Variants in CDH18 observed in about 807,000 individuals in gnomAD.
CDH18 encodes cadherin-18.
CDH18 carries 31 observed loss-of-function variants against 67.9 expected under a neutral mutation model. The observed-to-expected ratio is 0.46, with a 90% CI of 0.34 to 0.62. The LOEUF (loss-of-function observed/expected upper bound fraction) is 0.62. CDH18 is among the 20% of genes least tolerant of loss of function. The pLI is 0.01. For missense variants in CDH18, 890 were observed against 975.5 expected (o/e 0.91, Z 1.17); for synonymous variants, 362 against 347.2 (o/e 1.04, Z -0.48).
intron 6 of CDH18, among the ~76,000 whole-genome samples, chr5:19,599,989 G>T (rs935120779): frequency 6.6e-6 from 1 of 152,068 alleles, no homozygotes; most frequent in Non-Finnish European, 1.5e-5. Flanking sequence ...GGGAGAGACA[G>T]TGAGCACTGG....
chr5:19,529,009 G>C (rs899893360), intron 9 of CDH18, among the ~76,000 whole-genome samples: 2 of 151,700 alleles, frequency 1.3e-5, no homozygotes, highest in African/African-American at 4.8e-5. Context: ...TCAGGAAAGA[G>C]CAACTGATTA....
At chr5:19,790,654 T>C (rs1024358052) in intron 3 of CDH18, among the ~76,000 whole-genome samples, 4 of 152,104 alleles carry the variant, frequency 2.6e-5, no homozygotes, top group Non-Finnish European at 5.9e-5. Context: ...CTAGATGCAC[T>C]TGGAAGCCTC....
chr5:19,937,563 T>A (rs1794409102), intron 2 of CDH18, among the ~76,000 whole-genome samples: 1 of 151,436 alleles, frequency 6.6e-6, no homozygotes, highest in African/African-American at 2.4e-5. Context: ...CACAAACATA[T>A]AACCACACAT....
intron 1 of CDH18, among the ~76,000 whole-genome samples, chr5:20,458,488 C>T (rs902671033): frequency 2.6e-5 from 4 of 152,066 alleles, no homozygotes; most frequent in East Asian, 3.9e-4. Context: ...CGCGGTGGCA[C>T]GTGCCTGTAG....
chr5:19,738,922 T>C (rs552468455), intron 4 of CDH18, among the ~76,000 whole-genome samples: 6 of 152,046 alleles, frequency 3.9e-5, no homozygotes, highest in African/African-American at 7.2e-5. Flanking sequence ...AAAAAGTAAA[T>C]GGAAAGACTG....
chr5:20,470,681 G>A (rs949155171), intron 1 of CDH18, among the ~76,000 whole-genome samples: 19 of 152,070 alleles, frequency 1.2e-4, no homozygotes, highest in Non-Finnish European at 4.4e-5. Flanking sequence ...CAGGGCTTCC[G>A]TCTCTATGCA....
intron 2 of CDH18, among the ~76,000 whole-genome samples, chr5:20,027,768 T>C (rs12520996): frequency 0.29 from 44,307 of 152,106 alleles, 7,819 homozygotes; most frequent in Non-Finnish European, 0.38. Flanking sequence ...TGCTTCTAAT[T>C]TTTATATGGT....
intron 2 of CDH18, among the ~76,000 whole-genome samples, chr5:20,098,083 TGTAA>T (rs1453513659): frequency 3.3e-5 from 5 of 152,104 alleles, no homozygotes; most frequent in South Asian, 2.1e-4. Flanking sequence ...AATTTTTCTT[TGTAA>T]GTAATTTTTG....
intron 1 of CDH18, among the ~76,000 whole-genome samples, chr5:20,386,181 A>G (rs1400182332): frequency 1.3e-5 from 2 of 152,156 alleles, no homozygotes; most frequent in East Asian, 3.9e-4. Flanking sequence ...AGGTTGGTCT[A>G]TGCTTCCCTC....
intron 2 of CDH18, among the ~76,000 whole-genome samples, chr5:19,914,044 GA>G: frequency 6.6e-6 from 1 of 152,182 alleles, no homozygotes; most frequent in Non-Finnish European, 1.5e-5. Flanking sequence ...TGCTTGTATT[GA>G]GGTTATTTAG....
chr5:19,785,645 A>G (rs1423544707), intron 3 of CDH18, among the ~76,000 whole-genome samples: 1 of 92,748 alleles, frequency 1.1e-5, no homozygotes, highest in East Asian at 3.2e-4. Context: ...CAAGAGCAAA[A>G]CTCTGTCTCA....
intron 5 of CDH18, among the ~76,000 whole-genome samples, chr5:19,665,414 G>A (rs1483962170): frequency 2.0e-5 from 3 of 151,974 alleles, no homozygotes; most frequent in Admixed American, 2.0e-4. Context: ...TCCATGCTCA[G>A]TGTTAATTTT....
intron 2 of CDH18, among the ~76,000 whole-genome samples, chr5:20,184,984 A>G (rs757766909): frequency 3.3e-5 from 5 of 152,152 alleles, no homozygotes; most frequent in South Asian, 2.1e-4. Flanking sequence ...CAAACTACCA[A>G]TTGAGTTAGT....
At chr5:19,963,621 C>G (rs1050749460) in intron 2 of CDH18, among the ~76,000 whole-genome samples, 1 of 152,086 alleles carries the variant, frequency 6.6e-6, no homozygotes, top group Non-Finnish European at 1.5e-5. Flanking sequence ...GACATGTTTG[C>G]TTCCCCTTCA....
chr5:19,914,082 T>C (rs1021177265), intron 2 of CDH18, among the ~76,000 whole-genome samples: 3 of 152,082 alleles, frequency 2.0e-5, no homozygotes, highest in Admixed American at 2.0e-4. Context: ...TAAAATAGCT[T>C]AGGCATCTAT....
intron 5 of CDH18, among the ~76,000 whole-genome samples, chr5:19,619,881 A>G (rs1750422424): frequency 6.6e-6 from 1 of 152,198 alleles, no homozygotes; most frequent in South Asian, 2.1e-4. Flanking sequence ...TTTACTTATA[A>G]AGAAAAATAT....
intron 7 of CDH18, among the ~76,000 whole-genome samples, chr5:19,573,275 T>C (rs529775900): frequency 2.8e-4 from 43 of 151,886 alleles, no homozygotes; most frequent in Non-Finnish European, 5.0e-4. Flanking sequence ...GTTTGAGGAG[T>C]TGCATACTCT....
In CDH18 at chr5:19,875,423, G is replaced by GATAGATAGATAGATCGATCCATCT. The variant is rs1786846270; in HGVS notation, c.-256-36182_-256-36181insAGATGGATCGATCTATCTATCTAT. Among the ~76,000 whole-genome samples the GATAGATAGATAGATCGATCCATCT allele has an allele frequency of 2.0e-5, 3 of 149,796 alleles. No individual in the cohort carries two copies. In the South Asian group the frequency reaches 6.3e-4, roughly 31 times the overall value. On this transcript the variant is annotated intron_variant, in intron 2 of 12. Transcript: ENST00000382275. ...AGATAGATAGATAGATAGATAGATA[G>GATAGATAGATAGATCGATCCATCT]ATAGATAGATAGATAGATCGATCGA...
chr5:20,369,602 T>C (rs1348593784), intron 1 of CDH18, among the ~76,000 whole-genome samples: 1 of 152,214 alleles, frequency 6.6e-6, no homozygotes, highest in Admixed American at 6.5e-5. Flanking sequence ...GAGTTCAGTT[T>C]AGAGAAATTA....
Sources: allele counts gnomAD v4.1 joint callset (sites outside exome capture counted in the v4.1 genomes callset), GRCh38; gene constraint gnomAD v4.1.1; transcripts MANE v1.5; gene names NCBI Gene and HGNC (gene_info 2026-07-23, HGNC 2026-07-21).